Variants in SLC16A6 observed in about 807,000 individuals in gnomAD.
SLC16A6 encodes the protein solute carrier family 16 member 6, also known as monocarboxylate transporter 7.
Under a neutral mutation model 33.8 loss-of-function variants are expected in SLC16A6, and 15 were observed. The ratio of observed to expected loss-of-function variants is 0.44; its 90% CI spans 0.30 to 0.68. The LOEUF (loss-of-function observed/expected upper bound fraction) is 0.68, where lower values mean the gene tolerates loss of function less well. Ranked by LOEUF, SLC16A6 falls within the 30% of genes least tolerant of loss-of-function variation. The pLI is 0.10. For synonymous variants in SLC16A6, 219 were observed against 248.4 expected, an observed-to-expected ratio of 0.88 and a Z score of 1.11; for missense variants, 451 against 661.5, an observed-to-expected ratio of 0.68 and a Z score of 3.49.
intron 5 of SLC16A6, among the ~76,000 whole-genome samples, chr17:68,270,591 C>T (rs34080227): frequency 0.031 from 4,650 of 151,574 alleles, 100 homozygotes; most frequent in Non-Finnish European, 0.053. Flanking sequence ...ATCTGGACTA[C>T]AGACACAGCT....
Position 68,268,088 on chromosome 17 carries a change from C to A in SLC16A6, c.*1008G>T, listed in dbSNP as rs2075211165. On this transcript the variant is annotated 3_prime_UTR_variant, in exon 6 of 6. Coordinates refer to ENST00000580666, the MANE Select transcript of SLC16A6 (RefSeq NM_004694.5). ...TTCCCCTTTAATAGCACACGTTGCC[C>A]CTAATCAAATGGAAGAATCATGACA... 1 of 152,046 alleles carries A rather than the reference C, an allele frequency of 6.6e-6. No homozygotes were observed. The highest frequency in any genetic ancestry group is 1.5e-5 in the Non-Finnish European group (1 of 68,014). 9.4% of individuals were successfully genotyped at this position (152,046 alleles called of 1,614,324 possible). A position where few individuals can be genotyped will look rare whatever the true frequency, so the allele number is the denominator to read the frequency against.
intron 3 of SLC16A6, 167 bp downstream of exon 3, chr17:68,273,760 C>A: frequency 1.5e-6 from 1 of 683,590 alleles, no homozygotes; most frequent in Non-Finnish European, 2.3e-6. Flanking sequence ...CCCAGGTCCC[C>A]TGAAGTCCAT....
chr17:68,278,114 G>T lies in SLC16A6; in HGVS notation c.207C>A (p.Ile69=). 1 of 1,613,682 alleles carries T rather than the reference G, an allele frequency of 6.2e-7. No individual in the cohort carries two copies. Among genetic ancestry groups the T allele is most frequent in the Non-Finnish European group, 8.5e-7 (1 of 1,179,648 alleles). ...SNSRISWIIS[I]CVFVLTFSAP... is the part of the protein sequence containing the mutation. ...CTGAAAATGTTAAGACAAACACACA[G>T]ATTGAGATTATCCATGAGATCCTGC... Residue 69 remains isoleucine (I), a synonymous_variant, in exon 2 of 6, where the codon ATC becomes ATA. Coordinates refer to ENST00000580666, the MANE Select transcript of SLC16A6 (RefSeq NM_004694.5).
intron 1 of SLC16A6, among the ~76,000 whole-genome samples, chr17:68,283,550 G>C (rs1407603225): frequency 6.6e-6 from 1 of 151,120 alleles, no homozygotes; most frequent in Admixed American, 6.6e-5. Context: ...TGGGCACGGC[G>C]GCTCACGCCT....
At chr17:68,275,913 G>A (rs1449659688) in intron 2 of SLC16A6, among the ~76,000 whole-genome samples, 1 of 151,334 alleles carries the variant, frequency 6.6e-6, no homozygotes, top group East Asian at 2.0e-4. Context: ...AACCTGGGAG[G>A]CGGAGGTTGC....
chr17:68,279,450 T>G (rs142708152), intron 1 of SLC16A6, among the ~76,000 whole-genome samples: 224 of 152,308 alleles, frequency 1.5e-3, no homozygotes, highest in Non-Finnish European at 2.4e-3. Context: ...TCTGGGAGTT[T>G]GTTAAGCAGG....
At chr17:68,287,003 G>A (rs1311910626) in intron 1 of SLC16A6, among the ~76,000 whole-genome samples, 2 of 152,002 alleles carry the variant, frequency 1.3e-5, no homozygotes, top group Admixed American at 1.3e-4. Context: ...TGTTTTTGGA[G>A]ATGGAGTTTC....
intron 4 of SLC16A6, 118 bp downstream of exon 4, chr17:68,272,521 C>T (rs767784071): frequency 4.7e-5 from 55 of 1,171,152 alleles, no homozygotes; most frequent in South Asian, 4.5e-4. Flanking sequence ...ACGTAAATAA[C>T]GTCTCATTAC....
intron 1 of SLC16A6, among the ~76,000 whole-genome samples, chr17:68,284,905 C>A (rs1053751049): frequency 6.6e-6 from 1 of 152,186 alleles, no homozygotes; most frequent in African/African-American, 2.4e-5. Flanking sequence ...AATCTGAGGT[C>A]TATTTCTCTT....
chr17:68,287,947 C>T (rs1555754746), intron 1 of SLC16A6, among the ~76,000 whole-genome samples: 1 of 148,710 alleles, frequency 6.7e-6, no homozygotes, highest in African/African-American at 2.5e-5. Context: ...TCTCTTCTCT[C>T]TCTCTTTCTC....
In SLC16A6 at chr17:68,269,266, G is replaced by A; in HGVS notation, c.1402C>T (p.Leu468Phe). ...ATCTTACACGGTCTCACCAGGGCGA[G>A]GCACACAGCAGCCAGGGCCATGCCA... ...AAGMALAAVC[L>F]ALVRPCKMGL... The change falls in exon 6 of 6, where the codon CTC (leucine) becomes TTC (phenylalanine). Residue 468 changes from leucine (L) to phenylalanine (F), a missense_variant. Around this residue, in one of 2 missense-constraint regions of SLC16A6, gnomAD observed 46 missense variants for 150.8 expected, o/e 0.31. Transcript: ENST00000580666. 6.9e-7 allele frequency: 1 copy of A among 1,452,918 alleles called. No homozygotes were observed. Among genetic ancestry groups the A allele is most frequent in the Non-Finnish European group, 9.4e-7 (1 of 1,069,028 alleles). 90.0% of individuals were successfully genotyped at this position (1,452,918 alleles called of 1,614,324 possible). A position where few individuals can be genotyped will look rare whatever the true frequency, so the allele number is the denominator to read the frequency against.
In SLC16A6 at chr17:68,278,182, CACCA is replaced by C. The variant is rs782253926; in HGVS notation, c.135_138del (p.Phe45LeufsTer7). ...CTGTCCATTAAGTCATTAAAGAAGA[CACCA>C]AATGTCTTGATGATGCCGTAGGTGA... On this transcript the variant is annotated frameshift_variant, in exon 2 of 6. Transcript: ENST00000580666. LOFTEE classifies it high-confidence loss of function. 6.2e-7 allele frequency: 1 copy of C among 1,614,136 alleles called. No individual in the cohort carries two copies. The highest frequency in any genetic ancestry group is 8.5e-7 in the Non-Finnish European group (1 of 1,179,982).
In SLC16A6 at chr17:68,271,406, G is replaced by A. The variant is rs1778653055; in HGVS notation, c.754C>T (p.Pro252Ser). The change falls in exon 5 of 6, where the codon CCT becomes TCT. Residue 252 changes from proline (P) to serine (S), a missense_variant. Pro to Ser is a moderately conservative substitution (Grantham distance 74). Around this residue, in one of 2 missense-constraint regions of SLC16A6, gnomAD observed 405 missense variants for 510.7 expected, o/e 0.79. Transcript: ENST00000580666. This position sits in a 1 kb window ranked among gnomAD's most constrained non-coding sequence, Gnocchi z 5.3. ...VELTTSPKNVPTHTNLELEPK... is the reference protein window; with the variant it reads ...VELTTSPKNVSTHTNLELEPK... Reference sequence around the variant, plus strand: ...TCCAGTTCCAGGTTAGTGTGAGTAGGCACATTTTTAGGTGAGGTAGTTAGT... The same window carrying A: ...TCCAGTTCCAGGTTAGTGTGAGTAGACACATTTTTAGGTGAGGTAGTTAGT... 1 of 1,614,226 alleles carries A rather than the reference G, an allele frequency of 6.2e-7. No homozygotes were observed. The highest frequency in any genetic ancestry group is 8.5e-7 in the Non-Finnish European group (1 of 1,180,052).
chr17:68,281,810 G>A (rs1448768444), intron 1 of SLC16A6, among the ~76,000 whole-genome samples: 5 of 152,068 alleles, frequency 3.3e-5, no homozygotes, highest in South Asian at 2.1e-4. Flanking sequence ...ATACACTGTC[G>A]GTGGGAATGT....
chr17:68,290,543 C>G (rs1386691160), intron 1 of SLC16A6, among the ~76,000 whole-genome samples: 1 of 152,232 alleles, frequency 6.6e-6, no homozygotes, highest in South Asian at 2.1e-4. Flanking sequence ...CCCGGCTTCC[C>G]GCTGGGGACA....
At chr17:68,288,729 G>A (rs1465674664) in intron 1 of SLC16A6, among the ~76,000 whole-genome samples, 3 of 152,088 alleles carry the variant, frequency 2.0e-5, no homozygotes, top group Non-Finnish European at 4.4e-5. Flanking sequence ...ATCCTTCTAA[G>A]CCCTTTGAAG....
At position 68,271,174 on chromosome 17, in the gene SLC16A6, G is replaced by C. The variant is rs1555748470; in HGVS notation, c.986C>G (p.Ala329Gly). ...GGCCATCGTAGATAATAAAAAAGCAGCGCGGTCCTGGTCAATGCCCAGACT... is the reference window on the plus strand; with the variant it reads ...GGCCATCGTAGATAATAAAAAAGCACCGCGGTCCTGGTCAATGCCCAGACT... ...GISLGIDQDR[A>G]AFLLSTMAIA... Residue 329 changes from alanine to glycine, a missense_variant, in exon 5 of 6, where the codon GCT becomes GGT. Physicochemically the swap from Ala to Gly is moderately conservative, Grantham distance 60 (BLOSUM62 0). Around this residue, in one of 2 missense-constraint regions of SLC16A6, gnomAD observed 405 missense variants for 510.7 expected, o/e 0.79. Transcript: ENST00000580666. This position sits in a 1 kb window ranked among gnomAD's most constrained non-coding sequence, Gnocchi z 5.3. 1.2e-6 allele frequency: 2 copies of C among 1,614,038 alleles called. No individual in the cohort carries two copies. The highest frequency in any genetic ancestry group is 3.3e-5 in the Admixed American group (2 of 60,026).
At chr17:68,281,297 G>A (rs1214565098) in intron 1 of SLC16A6, among the ~76,000 whole-genome samples, 3 of 141,694 alleles carry the variant, frequency 2.1e-5, no homozygotes, top group African/African-American at 4.9e-5. Context: ...GGCTGGTGGC[G>A]GTGGCTCACG....
Position 68,272,731 on chromosome 17 carries a change from G to A in SLC16A6, c.413C>T (p.Thr138Ile). ...GYCFSFLPTVTILSQYFGKRR... is the reference protein window; with the variant it reads ...GYCFSFLPTVIILSQYFGKRR... ...TTTGCCAAAATATTGTGATAGGATG[G>A]TTACAGTTGGGAGAAAACTAAAGCA... Residue 138 changes from threonine (T) to isoleucine (I), a missense_variant, in exon 4 of 6, where the codon ACC (threonine) becomes ATC (isoleucine). Thr to Ile is a moderately conservative substitution (Grantham distance 89). Around this residue, in one of 2 missense-constraint regions of SLC16A6, gnomAD observed 405 missense variants for 510.7 expected, o/e 0.79. Transcript: ENST00000580666. 3 of 1,614,144 alleles carry A rather than the reference G, an allele frequency of 1.9e-6. No individual in the cohort carries two copies. The highest frequency in any genetic ancestry group is 4.5e-5 in the East Asian group (2 of 44,878).
Sources: allele counts gnomAD v4.1 joint callset (sites outside exome capture counted in the v4.1 genomes callset), GRCh38; gene constraint gnomAD v4.1.1; regional missense constraint gnomAD v4.1.1; non-coding constraint Gnocchi (gnomAD v3.1); transcripts MANE v1.5; gene names NCBI Gene and HGNC (gene_info 2026-07-23, HGNC 2026-07-21).